The following PAN3 variants were observed in gnomAD, a reference collection of about 807,000 sequenced individuals.
PAN3 encodes poly(A) specific ribonuclease subunit PAN3.
A neutral mutation model predicts 96.2 loss-of-function variants in PAN3; 19 were observed. The ratio of observed to expected loss-of-function variants is 0.20; its 90% CI spans 0.14 to 0.29. PAN3 has a LOEUF of 0.29. Ranked by LOEUF, PAN3 falls within the 10% of genes least tolerant of loss-of-function variation. The pLI is 1.00. For missense variants in PAN3, 882 were observed against 1,108.1 expected (o/e 0.80, Z 2.90); for synonymous variants, 433 against 406.6 (o/e 1.06, Z -0.78).
chr13:28,256,562 A>G (rs777847316), intron 7 of PAN3, 23 bp downstream of exon 7: 5 of 1,594,552 alleles, frequency 3.1e-6, no homozygotes, highest in East Asian at 2.2e-5. Flanking sequence ...TAAAGAGGAA[A>G]TTTTAGTACT....
intron 18 of PAN3, among the ~76,000 whole-genome samples, chr13:28,291,459 T>G (rs899132033): frequency 8.5e-5 from 13 of 152,274 alleles, no homozygotes; most frequent in African/African-American, 3.1e-4. Flanking sequence ...TGAAAAAACT[T>G]TGATAATAGT....
intron 2 of PAN3, 149 bp downstream of exon 2, chr13:28,174,542 C>T: frequency 1.1e-6 from 1 of 936,622 alleles, no homozygotes; most frequent in South Asian, 1.9e-5. Context: ...AACTATCTCC[C>T]ATGGGGTTGG....
At chr13:28,178,920 A>G (rs966897820) in intron 4 of PAN3, among the ~76,000 whole-genome samples, 6 of 152,204 alleles carry the variant, frequency 3.9e-5, no homozygotes, top group Admixed American at 1.3e-4. Flanking sequence ...AGCGTTTTAC[A>G]TGTCAATCAG....
chr13:28,257,539 T>G (rs2138593091), intron 7 of PAN3, among the ~76,000 whole-genome samples: 1 of 150,532 alleles, frequency 6.6e-6, no homozygotes, highest in Middle Eastern at 3.4e-3. Flanking sequence ...TTACACCCAC[T>G]CCCCATTGCT....
At chr13:28,264,667 A>G (rs1020694883) in intron 9 of PAN3, among the ~76,000 whole-genome samples, 2 of 152,212 alleles carry the variant, frequency 1.3e-5, no homozygotes, top group Admixed American at 6.5e-5. Context: ...ACGAGTGCCT[A>G]CTATCCTTGG....
At chr13:28,141,090 A>G (rs1236421406) in intron 1 of PAN3, among the ~76,000 whole-genome samples, 1 of 143,076 alleles carries the variant, frequency 7.0e-6, no homozygotes, top group Non-Finnish European at 1.5e-5. Flanking sequence ...AGCAACCTCC[A>G]CCTCCCAGGT....
chr13:28,158,237 A>G (rs1454294218), intron 1 of PAN3, among the ~76,000 whole-genome samples: 4 of 152,234 alleles, frequency 2.6e-5, no homozygotes, highest in African/African-American at 4.8e-5. Context: ...ACCTAAAACT[A>G]TAAAAACCCT....
Position 28,245,540 on chromosome 13 carries a change from A to G in PAN3, c.1001-10752A>G, listed in dbSNP as rs531923257. Among the ~76,000 whole-genome samples the G allele has an allele frequency of 2.0e-5, 3 of 152,272 alleles. No individual in the cohort carries two copies. The South Asian group carries it at 6.2e-4, about 32-fold the overall frequency. Reference sequence around the variant, plus strand: ...TTCATTGAGATATAATTCACATACCATAAAATCAATCCTTTTAAAGTATGT... The same window carrying G: ...TTCATTGAGATATAATTCACATACCGTAAAATCAATCCTTTTAAAGTATGT... On this transcript the variant is annotated intron_variant, in intron 6 of 18. Transcript: ENST00000380958.
chr13:28,239,710 AC>A, intron 6 of PAN3: 2 of 1,259,458 alleles, frequency 1.6e-6, no homozygotes, highest in Non-Finnish European at 2.1e-6. Flanking sequence ...TGTTTGTTTA[AC>A]TGAAGGGATT....
At chr13:28,179,937 A>G (rs1875548292) in intron 4 of PAN3, among the ~76,000 whole-genome samples, 1 of 152,160 alleles carries the variant, frequency 6.6e-6, no homozygotes, top group Non-Finnish European at 1.5e-5. Flanking sequence ...AATTTATTTT[A>G]ATACAATAAA....
At chr13:28,191,719 T>C (rs1326943306) in intron 4 of PAN3, among the ~76,000 whole-genome samples, 2 of 152,242 alleles carry the variant, frequency 1.3e-5, no homozygotes, top group African/African-American at 2.4e-5. Flanking sequence ...ATTTATTCTT[T>C]ACCATGGAAT....
At chr13:28,167,082 ATT>A (rs1158467405) in intron 1 of PAN3, among the ~76,000 whole-genome samples, 5 of 118,350 alleles carry the variant, frequency 4.2e-5, no homozygotes, top group Non-Finnish European at 5.4e-5. Context: ...TTTTATCTTA[ATT>A]TTTTTTTTTT....
intron 1 of PAN3, among the ~76,000 whole-genome samples, chr13:28,150,883 G>A (rs1269225878): frequency 6.6e-6 from 1 of 152,092 alleles, no homozygotes; most frequent in Non-Finnish European, 1.5e-5. Context: ...CTCTTAATGG[G>A]TAAAGCAGAC....
chr13:28,163,824 A>C (rs116688821), intron 1 of PAN3, among the ~76,000 whole-genome samples: 1,557 of 152,330 alleles, frequency 0.01, 24 homozygotes, highest in African/African-American at 0.035. Flanking sequence ...CATGATCTTT[A>C]ATCTTTTGTA....
intron 14 of PAN3, among the ~76,000 whole-genome samples, chr13:28,274,286 G>A (rs866162460): frequency 1.3e-5 from 2 of 152,070 alleles, no homozygotes; most frequent in East Asian, 3.9e-4. Flanking sequence ...CTTATACTTA[G>A]TGCCTAGGTA....
intron 1 of PAN3, among the ~76,000 whole-genome samples, chr13:28,155,958 T>C (rs533512520): frequency 6.6e-6 from 1 of 152,158 alleles, no homozygotes; most frequent in South Asian, 2.1e-4. Flanking sequence ...GATAATAAGC[T>C]GTGGCCACGT....
intron 6 of PAN3, among the ~76,000 whole-genome samples, chr13:28,239,185 ACACGCATG>A (rs1321121568): frequency 9.6e-6 from 1 of 104,094 alleles, no homozygotes; most frequent in Non-Finnish European, 1.8e-5. Flanking sequence ...ACACACACAC[ACACGCATG>A]CACACACGCA....
chr13:28,151,006 G>A (rs1871294092), intron 1 of PAN3, among the ~76,000 whole-genome samples: 1 of 152,160 alleles, frequency 6.6e-6, no homozygotes, highest in Non-Finnish European at 1.5e-5. Context: ...GAATAGGGTT[G>A]TTATAGAATG....
intron 1 of PAN3, among the ~76,000 whole-genome samples, chr13:28,168,844 C>G (rs1181191865): frequency 4.0e-5 from 6 of 151,824 alleles, no homozygotes; most frequent in African/African-American, 1.5e-4. Context: ...TGGTGAAACC[C>G]CGTCTCTATT....
Sources: gnomAD v4.1 joint callset for allele counts (sites outside exome capture counted in the v4.1 genomes callset) on GRCh38, gnomAD v4.1.1 for gene constraint, MANE v1.5 for transcripts, NCBI Gene and HGNC (gene_info 2026-07-23, HGNC 2026-07-21) for gene names.